FANCM: variants seen among roughly 807,000 people sequenced by gnomAD.
FANCM encodes the protein FA complementation group M.
In FANCM, 140 loss-of-function variants were observed where a neutral mutation model predicts 199.5. The observed-to-expected ratio is 0.70, with a 90% CI of 0.61 to 0.81. FANCM has a LOEUF of 0.81. Among genes scored for constraint, FANCM ranks in the 30% least tolerant of loss-of-function variants. The pLI is 0.00. For missense variants in FANCM, 2,410 were observed against 2,421.4 expected, an observed-to-expected ratio of 1.00 and a Z score of 0.10; for synonymous variants, 840 against 836.8, an observed-to-expected ratio of 1.00 and a Z score of -0.07.
intron 20 of FANCM, among the ~76,000 whole-genome samples, chr14:45,192,679 A>G (rs1028221401): frequency 6.6e-6 from 1 of 152,036 alleles, no homozygotes; most frequent in Admixed American, 6.6e-5. Flanking sequence ...CAACAAAAAA[A>G]TTAGCCTGGC....
In FANCM at chr14:45,164,560, G is replaced by C; in HGVS notation, c.1783G>C (p.Glu595Gln). The change falls in exon 10 of 23, where the codon GAA becomes CAA. Residue 595 changes from glutamate (E) to glutamine (Q), a missense_variant. Coordinates refer to ENST00000267430, the MANE Select transcript of FANCM (RefSeq NM_020937.4). ...IVIILSEGRE[E>Q]RIYNQSQSNK... ...TATTATCCTTTCTGAAGGACGAGAGGAACGTGTAAGTAGAGCTGCAGAAAC... is the reference window on the plus strand; with the variant it reads ...TATTATCCTTTCTGAAGGACGAGAGCAACGTGTAAGTAGAGCTGCAGAAAC... The C allele has an allele frequency of 1.2e-6, 2 of 1,608,996 alleles. No homozygotes were observed. The highest frequency in any genetic ancestry group is 2.2e-5 in the South Asian group (2 of 90,674).
chr14:45,148,705 T>G (rs377658321), intron 3 of FANCM, 132 bp from the exon 4 acceptor site: 5 of 646,268 alleles, frequency 7.7e-6, no homozygotes, highest in East Asian at 2.7e-5. Context: ...ATCTTCTTTC[T>G]TTTTTGTTAC....
chr14:45,167,013 G>C lies in FANCM; in HGVS notation c.1852G>C (p.Val618Leu), dbSNP rs1388590422. The part of the protein sequence containing the change: ...IYKAISSNRQ[V>L]LHFYQRSPRM... Reference sequence around the variant, plus strand: ...TAAAGCTATTTCAAGTAACAGGCAGGTCCTTCATTTTTACCAAAGAAGTCC... The same window carrying C: ...TAAAGCTATTTCAAGTAACAGGCAGCTCCTTCATTTTTACCAAAGAAGTCC... The change falls in exon 11 of 23, where the codon GTC becomes CTC. Residue 618 changes from valine to leucine, a missense_variant. Physicochemically the swap from Val to Leu is conservative, Grantham distance 32. Coordinates refer to ENST00000267430, the MANE Select transcript of FANCM (RefSeq NM_020937.4). 4 of 1,611,050 alleles carry C rather than the reference G, an allele frequency of 2.5e-6. No homozygotes were observed. Among genetic ancestry groups the C allele is most frequent in the Non-Finnish European group, 3.4e-6 (4 of 1,177,360 alleles).
intron 20 of FANCM, among the ~76,000 whole-genome samples, chr14:45,190,236 G>T (rs767672092): frequency 6.6e-6 from 1 of 151,902 alleles, no homozygotes; most frequent in Non-Finnish European, 1.5e-5. Flanking sequence ...TGCTAAATAG[G>T]GGTTAAAGAA....
chr14:45,166,933 T>C lies in FANCM; in HGVS notation c.1789-17T>C, dbSNP rs1290988660. ...ATAAAAGTAATATAATCTGACATTT[T>C]CTATTTGTTTTTACAGATTTATAAT... On this transcript the variant is annotated splice_polypyrimidine_tract_variant and intron_variant, in intron 10 of 22. Transcript: ENST00000267430. 2.3e-6 allele frequency: 3 copies of C among 1,280,646 alleles called. No individual in the cohort carries two copies. In the South Asian group the frequency reaches 3.6e-5, roughly 15 times the overall value. The allele number at this position is 1,280,646 out of a possible 1,614,324, so 79.3% of individuals were successfully genotyped here.
At position 45,189,198 on chromosome 14, in the gene FANCM, C is replaced by T. The variant is rs2139297585; in HGVS notation, c.5176C>T (p.Pro1726Ser). ...SKVRSTPRVNPLAKQSKQTSL... is the reference protein window; with the variant it reads ...SKVRSTPRVNSLAKQSKQTSL... Reference sequence around the variant, plus strand: ...GGTGCGTTCTACTCCAAGAGTTAATCCATTAGCAAAGCAGAGCAAACAGAC... The same window carrying T: ...GGTGCGTTCTACTCCAAGAGTTAATTCATTAGCAAAGCAGAGCAAACAGAC... The change falls in exon 20 of 23, where the codon CCA (proline) becomes TCA (serine). Residue 1726 changes from proline to serine, a missense_variant. Physicochemically the swap from Pro to Ser is moderately conservative, Grantham distance 74. Transcript: ENST00000267430. 1 of 1,614,130 alleles carries T rather than the reference C, an allele frequency of 6.2e-7. No individual in the cohort carries two copies. Among genetic ancestry groups the T allele is most frequent in the Non-Finnish European group, 8.5e-7 (1 of 1,180,024 alleles).
chr14:45,138,327 A>C (rs1885670106), intron 2 of FANCM, among the ~76,000 whole-genome samples: 1 of 152,164 alleles, frequency 6.6e-6, no homozygotes, highest in Non-Finnish European at 1.5e-5. Flanking sequence ...TTTCTCTGCC[A>C]GTTTTTGAAT....
In FANCM at chr14:45,172,984, G is replaced by A. The variant is rs1272874837; in HGVS notation, c.2161-71G>A. On this transcript the variant is annotated intron_variant, in intron 12 of 22. Coordinates refer to ENST00000267430, the MANE Select transcript of FANCM (RefSeq NM_020937.4). ...GTTAAGCTGATTATATGTATATTGAGTGTTTTTTAAAATTAGTTTGTGAAA... is the reference window on the plus strand; with the variant it reads ...GTTAAGCTGATTATATGTATATTGAATGTTTTTTAAAATTAGTTTGTGAAA... 3.6e-6 allele frequency: 4 copies of A among 1,110,610 alleles called. No homozygotes were observed. In the East Asian group the frequency reaches 9.7e-5, roughly 27 times the overall value. The allele number at this position is 1,110,610 out of a possible 1,614,324, so 68.8% of individuals were successfully genotyped here.
intron 14 of FANCM, among the ~76,000 whole-genome samples, chr14:45,178,727 G>C (rs559269035): frequency 6.6e-5 from 10 of 152,248 alleles, no homozygotes; most frequent in Middle Eastern, 3.4e-3. Context: ...TTGTCTGTCT[G>C]GGTAGATGTT....
intron 20 of FANCM, among the ~76,000 whole-genome samples, chr14:45,193,246 C>A (rs1258265240): frequency 6.6e-6 from 1 of 152,170 alleles, no homozygotes; most frequent in Admixed American, 6.5e-5. Context: ...TAAGCCTAGA[C>A]AATTAGAGGT....
intron 8 of FANCM, among the ~76,000 whole-genome samples, chr14:45,157,346 A>G (rs1390236572): frequency 6.6e-6 from 1 of 152,228 alleles, no homozygotes; most frequent in Non-Finnish European, 1.5e-5. Context: ...AGATGTGATT[A>G]TCAGGACAAC....
At chr14:45,149,662 G>T (rs371066862) in intron 4 of FANCM, among the ~76,000 whole-genome samples, 1 of 152,028 alleles carries the variant, frequency 6.6e-6, no homozygotes, top group Non-Finnish European at 1.5e-5. Context: ...GCCACCATGC[G>T]CCCGGCCCCC....
At chr14:45,141,267 G>C (rs565996159) in intron 3 of FANCM, among the ~76,000 whole-genome samples, 1 of 127,606 alleles carries the variant, frequency 7.8e-6, no homozygotes, top group African/African-American at 3.0e-5. Context: ...CAGCCTGGGC[G>C]ACAGAGCGAG....
At chr14:45,169,581 T>A (rs1315421749) in intron 11 of FANCM, among the ~76,000 whole-genome samples, 1 of 151,942 alleles carries the variant, frequency 6.6e-6, no homozygotes, top group Non-Finnish European at 1.5e-5. Context: ...ATTTTATTTT[T>A]TTAGACTTGG....
chr14:45,183,812 C>G lies in FANCM; in HGVS notation c.4425C>G (p.Pro1475=). The G allele has an allele frequency of 1.9e-6, 3 of 1,609,614 alleles. No homozygotes were observed. The highest frequency in any genetic ancestry group is 2.6e-6 in the Non-Finnish European group (3 of 1,176,388). Residue 1475 remains proline (P), a synonymous_variant, in exon 17 of 23, where the codon CCC becomes CCG. Transcript: ENST00000267430. ...LSSSDESENF[P]KPCSQLEDFK... is the part of the protein sequence containing the mutation. Reference sequence around the variant, plus strand: ...CTAGTGATGAGAGTGAGAATTTTCCCAAACCATGTTCACAATTAGAAGACT... The same window carrying G: ...CTAGTGATGAGAGTGAGAATTTTCCGAAACCATGTTCACAATTAGAAGACT...
Position 45,178,163 on chromosome 14 carries a change from T to C in FANCM, c.4222+1187T>C, listed in dbSNP as rs564467285. On this transcript the variant is annotated intron_variant, in intron 14 of 22. Transcript: ENST00000267430. ...ATTCTCGTTAGCATGGAGGACATGG[T>C]TCGTGAATGTTCTATTTAAGATGAA... 2.0e-5 allele frequency among the ~76,000 whole-genome samples: 3 copies of C among 152,326 alleles called. No individual in the cohort carries two copies. The South Asian group carries it at 6.2e-4, about 32-fold the overall frequency.
intron 8 of FANCM, among the ~76,000 whole-genome samples, chr14:45,158,131 G>A (rs964290167): frequency 2.0e-5 from 3 of 152,192 alleles, no homozygotes; most frequent in African/African-American, 7.2e-5. Context: ...CCAAGAGGTC[G>A]AAGCTGTAGT....
At chr14:45,171,073 TTACTC>T (rs1277487618) in intron 12 of FANCM, among the ~76,000 whole-genome samples, 2 of 152,186 alleles carry the variant, frequency 1.3e-5, no homozygotes, top group African/African-American at 4.8e-5. Context: ...GGTTGTCACT[TTACTC>T]TGTGATATAC....
intron 4 of FANCM, among the ~76,000 whole-genome samples, chr14:45,149,288 C>T (rs1008237665): frequency 8.0e-6 from 1 of 124,304 alleles, no homozygotes; most frequent in Admixed American, 8.8e-5. Flanking sequence ...AGAACATGCA[C>T]ACACACACAC....
Sources: gnomAD v4.1 joint callset for allele counts (sites outside exome capture counted in the v4.1 genomes callset) on GRCh38, gnomAD v4.1.1 for gene constraint, MANE v1.5 for transcripts, NCBI Gene and HGNC (gene_info 2026-07-23, HGNC 2026-07-21) for gene names.